The following CAST variants were observed in gnomAD, a reference collection of about 807,000 sequenced individuals.
CAST encodes calpastatin.
A neutral mutation model predicts 119.6 loss-of-function variants in CAST; 76 were observed. That is an observed-to-expected ratio of 0.64 (90% CI 0.53 to 0.77). The LOEUF is 0.77. Among genes scored for constraint, CAST ranks in the 30% least tolerant of loss-of-function variants. CAST has a pLI of 0.00. For synonymous variants in CAST, 319 were observed against 331.6 expected (o/e 0.96, Z 0.41); for missense variants, 953 against 946.5 (o/e 1.01, Z -0.09).
At chr5:96,754,023 A>T in intron 20 of CAST, 37 bp from the exon 21 acceptor site, 1 of 1,226,632 alleles carries the variant, frequency 8.2e-7, no homozygotes, top group Non-Finnish European at 1.2e-6. Flanking sequence ...GGGAGTGATT[A>T]ACCACCTACT....
At chr5:95,961,734 G>C in the CAST span, 1 of 1,591,132 alleles carries the variant, frequency 6.3e-7, no homozygotes. Context: ...TAAACTCCCC[G>C]GGGTGCCGCC....
intron 1 of CAST, among the ~76,000 whole-genome samples, chr5:96,532,414 A>C (rs1745706227): frequency 6.6e-6 from 1 of 152,094 alleles, no homozygotes; most frequent in Non-Finnish European, 1.5e-5. Flanking sequence ...ACTTACAAAG[A>C]ATCAAGAATC....
chr5:96,432,808 A>G, the CAST span: 3 of 1,468,360 alleles, frequency 2.0e-6, no homozygotes, highest in Non-Finnish European at 2.9e-6. Context: ...ACCGCGCTCC[A>G]GTCCCGCCAG....
At chr5:96,276,419 C>T in the CAST span, among the ~76,000 whole-genome samples, 2 of 152,186 alleles carry the variant, frequency 1.3e-5, no homozygotes, top group Middle Eastern at 6.8e-3. Context: ...TGGCTTTTTA[C>T]ATATGTTATT....
the CAST span, among the ~76,000 whole-genome samples, chr5:96,011,225 TG>T: frequency 6.6e-6 from 1 of 152,198 alleles, no homozygotes; most frequent in African/African-American, 2.4e-5. Context: ...AGTTTAAATT[TG>T]GTCTTTATTA....
the CAST span, among the ~76,000 whole-genome samples, chr5:96,012,677 G>C: frequency 6.6e-6 from 1 of 152,096 alleles, no homozygotes; most frequent in Admixed American, 6.6e-5. Flanking sequence ...TTTAGTTTTA[G>C]AATATTTCTG....
At chr5:96,561,200 T>TGGGG (rs1746352019) in intron 1 of CAST, among the ~76,000 whole-genome samples, 1 of 78,812 alleles carries the variant, frequency 1.3e-5, no homozygotes, top group African/African-American at 4.9e-5. Context: ...CAGGGCCTGT[T>TGGGG]GTGGGGTGGG....
intron 1 of CAST, among the ~76,000 whole-genome samples, chr5:96,553,449 G>A (rs754074885): frequency 3.3e-5 from 5 of 152,122 alleles, no homozygotes; most frequent in Non-Finnish European, 7.4e-5. Flanking sequence ...CCCACAACCA[G>A]TATCATACTG....
At chr5:95,969,591 G>A in the CAST span, among the ~76,000 whole-genome samples, 1 of 152,032 alleles carries the variant, frequency 6.6e-6, no homozygotes, top group African/African-American at 2.4e-5. Flanking sequence ...ATTAATGATG[G>A]GAATGGAGAA....
At chr5:96,112,129 A>T in the CAST span, among the ~76,000 whole-genome samples, 1 of 151,838 alleles carries the variant, frequency 6.6e-6, no homozygotes, top group East Asian at 1.9e-4. Context: ...TAATAATTAT[A>T]TTCTAAATTA....
chr5:96,433,136 G>A, the CAST span: 1 of 1,213,942 alleles, frequency 8.2e-7, no homozygotes, highest in Non-Finnish European at 1.2e-6. Flanking sequence ...TCCCACCCTC[G>A]GGCTCTAGAC....
the CAST span, among the ~76,000 whole-genome samples, chr5:96,501,369 CA>C: frequency 6.6e-6 from 1 of 152,008 alleles, no homozygotes; most frequent in African/African-American, 2.4e-5. Flanking sequence ...AAAAATAAAA[CA>C]GGCATAATCA....
chr5:95,977,376 C>A, the CAST span, among the ~76,000 whole-genome samples: 1 of 152,246 alleles, frequency 6.6e-6, no homozygotes, highest in Non-Finnish European at 1.5e-5. Context: ...GCCCTCCTAA[C>A]TTAATCACCT....
chr5:96,745,242 C>T (rs2150544880), intron 16 of CAST, among the ~76,000 whole-genome samples: 1 of 152,334 alleles, frequency 6.6e-6, no homozygotes. Context: ...TGACTTCATC[C>T]TTTAATGAGA....
At chr5:95,972,799 A>G in the CAST span, among the ~76,000 whole-genome samples, 238 of 152,292 alleles carry the variant, frequency 1.6e-3, no homozygotes, top group African/African-American at 4.9e-3. Flanking sequence ...CAAGGTCACA[A>G]ATATTTTCCT....
chr5:96,400,928 A>G, the CAST span, among the ~76,000 whole-genome samples: 1 of 151,538 alleles, frequency 6.6e-6, no homozygotes, highest in African/African-American at 2.4e-5. Flanking sequence ...TCTACTAAAA[A>G]TACAAAAAAT....
chr5:96,357,241 T>C, the CAST span, among the ~76,000 whole-genome samples: 8 of 152,348 alleles, frequency 5.3e-5, no homozygotes, highest in African/African-American at 1.9e-4. Context: ...GCTGAGACAA[T>C]GGGGTTTTCT....
At chr5:96,394,939 C>T in the CAST span, 1 of 1,614,080 alleles carries the variant, frequency 6.2e-7, no homozygotes, top group Non-Finnish European at 8.5e-7. Context: ...ACACACGAGG[C>T]TGCTTCATAT....
intron 1 of CAST, among the ~76,000 whole-genome samples, chr5:96,587,435 T>C (rs1580836092): frequency 6.6e-6 from 1 of 152,328 alleles, no homozygotes; most frequent in Non-Finnish European, 1.5e-5. Context: ...CTGGTAAATA[T>C]ACAGAGAGGA....
Sources: allele counts gnomAD v4.1 joint callset (sites outside exome capture counted in the v4.1 genomes callset), GRCh38; gene constraint gnomAD v4.1.1; transcripts MANE v1.5; gene names NCBI Gene and HGNC (gene_info 2026-07-23, HGNC 2026-07-21).